The following GALNT7 variants were observed in gnomAD, a reference collection of about 807,000 sequenced individuals.
The protein encoded by GALNT7 is N-acetylgalactosaminyltransferase 7.
Under a neutral mutation model 82.1 loss-of-function variants are expected in GALNT7, and 60 were observed. The ratio of observed to expected loss-of-function variants is 0.73; its 90% CI spans 0.59 to 0.91. GALNT7 has a LOEUF of 0.91. Among genes scored for constraint, GALNT7 ranks in the 40% least tolerant of loss-of-function variants. The probability of loss-of-function intolerance (pLI) is 0.00; values close to 1 mark genes in which losing one functional copy is unlikely to be tolerated. For synonymous variants in GALNT7, 243 were observed against 275.1 expected (o/e 0.88, Z 1.15); for missense variants, 660 against 804.2 (o/e 0.82, Z 2.17).
At position 173,237,162 on chromosome 4, in the gene GALNT7, T is replaced by A. The variant is rs1173479945; in HGVS notation, c.127-10818T>A. Among the ~76,000 whole-genome samples the A allele has an allele frequency of 2.0e-5, 3 of 152,372 alleles. No homozygotes were observed. The East Asian group carries it at 5.8e-4, about 29-fold the overall frequency. The stretch of plus-strand genomic sequence containing the variant: ...TTGTTCTAGGCTTTAAAATGATACA[T>A]CTGCCCTGAAAGCTTTGAGGTATTT... On this transcript the variant is annotated intron_variant, in intron 1 of 11. Transcript: ENST00000265000.
chr4:173,312,842 T>C (rs1218190437), intron 8 of GALNT7, among the ~76,000 whole-genome samples: 1 of 152,122 alleles, frequency 6.6e-6, no homozygotes, highest in Non-Finnish European at 1.5e-5. Context: ...GCAGATTGCT[T>C]GAGGTCAAGA....
chr4:173,313,277 A>G (rs746289246), intron 8 of GALNT7, among the ~76,000 whole-genome samples: 23 of 152,048 alleles, frequency 1.5e-4, no homozygotes, highest in Admixed American at 3.3e-4. Context: ...TCTAATAGAA[A>G]GAGATTGTAG....
At chr4:173,242,578 G>A (rs750979690) in intron 1 of GALNT7, among the ~76,000 whole-genome samples, 1 of 152,172 alleles carries the variant, frequency 6.6e-6, no homozygotes, top group Non-Finnish European at 1.5e-5. Flanking sequence ...TGCCCAGCAG[G>A]GCTGCAGCTC....
intron 2 of GALNT7, among the ~76,000 whole-genome samples, chr4:173,267,714 T>C (rs193239549): frequency 6.2e-4 from 95 of 152,314 alleles, no homozygotes; most frequent in Middle Eastern, 3.4e-3. Context: ...GAAAGAGTGA[T>C]GAGCATGATA....
chr4:173,261,660 T>TA lies in GALNT7; in HGVS notation c.587+13229dup, dbSNP rs778756678. ...GGTGAAACCTCATCTCTACTAAAAA[T>TA]AAAAAAAAATTAGCCAGGTGTGGTG... is the stretch of plus-strand genomic sequence containing the variant. On this transcript the variant is annotated intron_variant, in intron 2 of 11. Coordinates refer to ENST00000265000, the MANE Select transcript of GALNT7 (RefSeq NM_017423.3). Among the ~76,000 whole-genome samples, 8 of 150,580 alleles carry TA rather than the reference T, an allele frequency of 5.3e-5. No individual in the cohort carries two copies. The East Asian group carries it at 5.8e-4, about 11-fold the overall frequency.
intron 1 of GALNT7, among the ~76,000 whole-genome samples, chr4:173,183,043 A>AACACACACACACACACACACACACAC (rs35043722): frequency 8.0e-6 from 1 of 125,034 alleles, no homozygotes; most frequent in Non-Finnish European, 1.7e-5. Context: ...CACACACATA[A>AACACACACACACACACACACACACAC]ACACACACAC....
chr4:173,183,902 G>C (rs1732370736), intron 1 of GALNT7, among the ~76,000 whole-genome samples: 1 of 151,400 alleles, frequency 6.6e-6, no homozygotes, highest in Non-Finnish European at 1.5e-5. Context: ...GCCGGGTGGA[G>C]GGGCTCCTCA....
chr4:173,298,380 A>T, intron 6 of GALNT7, 83 bp downstream of exon 6: 2 of 869,678 alleles, frequency 2.3e-6, no homozygotes, highest in Middle Eastern at 3.0e-4. Context: ...AAGATTCGTT[A>T]TTAAAACTGT....
intron 1 of GALNT7, among the ~76,000 whole-genome samples, chr4:173,198,924 A>C (rs773185151): frequency 6.6e-6 from 1 of 152,166 alleles, no homozygotes; most frequent in Non-Finnish European, 1.5e-5. Context: ...TGAAGAGGTG[A>C]TATTTGAGCT....
At chr4:173,208,473 A>G (rs899897630) in intron 1 of GALNT7, among the ~76,000 whole-genome samples, 1 of 152,150 alleles carries the variant, frequency 6.6e-6, no homozygotes, top group African/African-American at 2.4e-5. Flanking sequence ...ATTCAGCGGC[A>G]TCTCTTGACT....
rs147398156 is a variant in GALNT7 at position 173,234,637 on chromosome 4, G to A, written c.127-13343G>A. On this transcript the variant is annotated intron_variant, in intron 1 of 11. Coordinates refer to ENST00000265000, the MANE Select transcript of GALNT7 (RefSeq NM_017423.3). ...CGTAATTACTATAATTTGAATGTCT[G>A]TCCCCTCAAACCTCATGTTGTAATT... Among the ~76,000 whole-genome samples the A allele has an allele frequency of 2.6e-5, 4 of 152,242 alleles. No individual in the cohort carries two copies. In the East Asian group the frequency reaches 7.7e-4, roughly 29 times the overall value.
At chr4:173,230,164 A>G (rs1257618055) in intron 1 of GALNT7, among the ~76,000 whole-genome samples, 1 of 152,186 alleles carries the variant, frequency 6.6e-6, no homozygotes, top group Admixed American at 6.5e-5. Context: ...AAATTATTGC[A>G]TATTATTTGC....
At chr4:173,201,589 C>A (rs771806232) in intron 1 of GALNT7, among the ~76,000 whole-genome samples, 1 of 152,132 alleles carries the variant, frequency 6.6e-6, no homozygotes, top group East Asian at 1.9e-4. Flanking sequence ...AAGTCATTTT[C>A]GGTTTACAGG....
At chr4:173,190,486 C>G (rs1732596221) in intron 1 of GALNT7, among the ~76,000 whole-genome samples, 1 of 152,134 alleles carries the variant, frequency 6.6e-6, no homozygotes, top group Non-Finnish European at 1.5e-5. Flanking sequence ...TCACTTGTAG[C>G]TAACTTTCAT....
At chr4:173,267,307 A>T (rs1183955909) in intron 2 of GALNT7, among the ~76,000 whole-genome samples, 1 of 152,126 alleles carries the variant, frequency 6.6e-6, no homozygotes, top group Admixed American at 6.6e-5. Context: ...CATGCCTGTC[A>T]CTTAGATCAC....
chr4:173,211,421 G>A (rs957031525), intron 1 of GALNT7, among the ~76,000 whole-genome samples: 41 of 152,214 alleles, frequency 2.7e-4, no homozygotes, highest in Non-Finnish European at 7.4e-5. Context: ...GACTAAACAC[G>A]TCCTGTGTGA....
chr4:173,314,378 C>A (rs1016456162), intron 9 of GALNT7, among the ~76,000 whole-genome samples: 4 of 152,204 alleles, frequency 2.6e-5, no homozygotes, highest in Admixed American at 2.6e-4. Flanking sequence ...AGCCTTTGCT[C>A]ATTGGCCCCC....
At chr4:173,182,925 TACACACAC>T (rs61378172) in intron 1 of GALNT7, among the ~76,000 whole-genome samples, 2 of 134,198 alleles carry the variant, frequency 1.5e-5, no homozygotes, top group Admixed American at 7.4e-5. Flanking sequence ...TTACTCATAA[TACACACAC>T]ACACACACAC....
At chr4:173,303,929 A>G in intron 7 of GALNT7, 67 bp from the exon 8 acceptor site, 1 of 1,334,958 alleles carries the variant, frequency 7.5e-7, no homozygotes, top group Admixed American at 2.0e-5. Flanking sequence ...CACTTACAAG[A>G]TAAATTTTCA....
Sources: gnomAD v4.1 joint callset for allele counts (sites outside exome capture counted in the v4.1 genomes callset) on GRCh38, gnomAD v4.1.1 for gene constraint, MANE v1.5 for transcripts, NCBI Gene and HGNC (gene_info 2026-07-23, HGNC 2026-07-21) for gene names.